GMDS: variants seen among roughly 807,000 people sequenced by gnomAD.
GMDS encodes GDP-mannose 4,6-dehydratase, also known as GDP-mannose 4,6 dehydratase.
A neutral mutation model predicts 49.9 loss-of-function variants in GMDS; 20 were observed. The ratio of observed to expected loss-of-function variants is 0.40; its 90% CI spans 0.28 to 0.58. The LOEUF is 0.58. Among genes scored for constraint, GMDS ranks in the 20% least tolerant of loss-of-function variants. The pLI is 0.42. For synonymous variants in GMDS, 177 were observed against 178.6 expected (o/e 0.99, Z 0.07); for missense variants, 362 against 481.4 (o/e 0.75, Z 2.32).
intron 8 of GMDS, among the ~76,000 whole-genome samples, chr6:1,732,128 C>T (rs1169919472): frequency 6.6e-6 from 1 of 152,282 alleles, no homozygotes; most frequent in African/African-American, 2.4e-5. Flanking sequence ...GAGTTCAAGA[C>T]CATCCTGGCC....
At chr6:2,006,310 C>G (rs567647026) in intron 4 of GMDS, among the ~76,000 whole-genome samples, 1 of 151,626 alleles carries the variant, frequency 6.6e-6, no homozygotes, top group Non-Finnish European at 1.5e-5. Flanking sequence ...TGTCTGTAGT[C>G]CCAGCAACTC....
intron 4 of GMDS, among the ~76,000 whole-genome samples, chr6:1,994,143 T>C (rs1766130321): frequency 6.6e-6 from 1 of 152,230 alleles, no homozygotes; most frequent in African/African-American, 2.4e-5. Flanking sequence ...TTCCTTGTAT[T>C]TGTACTTAGA....
At chr6:2,048,355 G>T (rs932792587) in intron 4 of GMDS, among the ~76,000 whole-genome samples, 1 of 152,076 alleles carries the variant, frequency 6.6e-6, no homozygotes, top group African/African-American at 2.4e-5. Context: ...CCTTCCCAAG[G>T]CACTACACAA....
chr6:2,234,597 G>A (rs759451421), intron 1 of GMDS, among the ~76,000 whole-genome samples: 19 of 150,780 alleles, frequency 1.3e-4, no homozygotes, highest in African/African-American at 2.0e-4. Context: ...CAATAAGAGC[G>A]AAACTCCGTA....
chr6:2,046,734 T>C (rs1770041617), intron 4 of GMDS, among the ~76,000 whole-genome samples: 2 of 152,230 alleles, frequency 1.3e-5, no homozygotes, highest in Admixed American at 6.5e-5. Context: ...GTGCTGGGAT[T>C]ACAAGCTACA....
intron 4 of GMDS, among the ~76,000 whole-genome samples, chr6:1,976,538 T>C (rs1764912557): frequency 6.6e-6 from 1 of 152,352 alleles, no homozygotes; most frequent in African/African-American, 2.4e-5. Flanking sequence ...CCTCTGTAGA[T>C]GCCTTTTTCT....
intron 4 of GMDS, among the ~76,000 whole-genome samples, chr6:1,970,762 C>T (rs1222765972): frequency 1.3e-5 from 2 of 151,976 alleles, no homozygotes; most frequent in Admixed American, 6.6e-5. Flanking sequence ...AAGTAGGGTC[C>T]GCAGGCACAG....
intron 4 of GMDS, among the ~76,000 whole-genome samples, chr6:1,962,259 T>C (rs1570536): frequency 0.65 from 99,291 of 151,926 alleles, 32,671 homozygotes; most frequent in African/African-American, 0.73. Flanking sequence ...GCAGCCACTC[T>C]CTGGTCCCCA....
chr6:2,022,829 G>A (rs2127407403), intron 4 of GMDS, among the ~76,000 whole-genome samples: 1 of 152,096 alleles, frequency 6.6e-6, no homozygotes, highest in African/African-American at 2.4e-5. Context: ...CAATAATAGT[G>A]AACATTTAGA....
intron 1 of GMDS, among the ~76,000 whole-genome samples, chr6:2,148,807 A>C (rs1209896753): frequency 6.6e-6 from 1 of 152,244 alleles, no homozygotes; most frequent in Non-Finnish European, 1.5e-5. Context: ...GAAGTTTAGG[A>C]AGCTGTGTTT....
At chr6:2,078,880 T>C (rs1423605186) in intron 4 of GMDS, among the ~76,000 whole-genome samples, 3 of 152,012 alleles carry the variant, frequency 2.0e-5, no homozygotes, top group South Asian at 2.1e-4. Flanking sequence ...CCCACTATTA[T>C]TGTATTGTAG....
At chr6:2,188,310 C>A (rs1778867655) in intron 1 of GMDS, among the ~76,000 whole-genome samples, 1 of 152,330 alleles carries the variant, frequency 6.6e-6, no homozygotes. Context: ...TTATTCAACA[C>A]CTTAATTCCA....
intron 9 of GMDS, among the ~76,000 whole-genome samples, chr6:1,702,039 T>C (rs913661873): frequency 1.3e-5 from 2 of 152,226 alleles, no homozygotes; most frequent in Non-Finnish European, 2.9e-5. Flanking sequence ...GACGCACGCC[T>C]CTCTTGGGTA....
chr6:1,767,770 C>A (rs1313283646), intron 7 of GMDS, among the ~76,000 whole-genome samples: 2 of 152,166 alleles, frequency 1.3e-5, no homozygotes, highest in Admixed American at 6.5e-5. Context: ...GTGACATCCC[C>A]GGAGGGCACT....
intron 1 of GMDS, among the ~76,000 whole-genome samples, chr6:2,139,815 A>AAT (rs998269104): frequency 5.3e-5 from 8 of 152,134 alleles, no homozygotes; most frequent in Non-Finnish European, 1.0e-4. Flanking sequence ...GTGTGTTAAA[A>AAT]ATATATATAT....
At chr6:2,199,390 T>C (rs1779407379) in intron 1 of GMDS, among the ~76,000 whole-genome samples, 1 of 152,186 alleles carries the variant, frequency 6.6e-6, no homozygotes, top group African/African-American at 2.4e-5. Context: ...ACAAATCAAA[T>C]GTCATTCCAT....
chr6:2,224,031 T>C (rs1780711565), intron 1 of GMDS, among the ~76,000 whole-genome samples: 1 of 152,116 alleles, frequency 6.6e-6, no homozygotes, highest in Non-Finnish European at 1.5e-5. Context: ...AGAGGAAAAG[T>C]GACAGTGATA....
intron 1 of GMDS, among the ~76,000 whole-genome samples, chr6:2,205,060 C>A (rs1179715846): frequency 2.0e-5 from 3 of 152,154 alleles, no homozygotes; most frequent in Admixed American, 2.0e-4. Flanking sequence ...ATTTATTGAG[C>A]ATTTGCTGTC....
intron 4 of GMDS, among the ~76,000 whole-genome samples, chr6:2,111,815 A>G (rs1215332234): frequency 1.3e-5 from 2 of 152,264 alleles, no homozygotes; most frequent in Admixed American, 6.5e-5. Context: ...GAATACAATA[A>G]ATTCTACAAA....
Sources: allele counts gnomAD v4.1 joint callset (sites outside exome capture counted in the v4.1 genomes callset), GRCh38; gene constraint gnomAD v4.1.1; transcripts MANE v1.5; gene names NCBI Gene and HGNC (gene_info 2026-07-23, HGNC 2026-07-21).